The following USP54 variants were observed in gnomAD, a reference collection of about 807,000 sequenced individuals.
USP54 encodes ubiquitin carboxyl-terminal hydrolase 54.
In USP54, 87 loss-of-function variants were observed where a neutral mutation model predicts 170.5. That is an observed-to-expected ratio of 0.51 (90% CI 0.43 to 0.61). The LOEUF (loss-of-function observed/expected upper bound fraction) is 0.61, where lower values mean the gene tolerates loss of function less well. Ranked by LOEUF, USP54 falls within the 20% of genes least tolerant of loss-of-function variation. The pLI, the probability that USP54 is intolerant of heterozygous loss-of-function variation, is 0.00. For missense variants in USP54, 1,786 were observed against 2,047.8 expected (o/e 0.87, Z 2.47); for synonymous variants, 655 against 742.8 (o/e 0.88, Z 1.92).
At chr10:73,603,359 C>T (rs1194534187) in intron 1 of USP54, among the ~76,000 whole-genome samples, 1 of 152,018 alleles carries the variant, frequency 6.6e-6, no homozygotes, top group Non-Finnish European at 1.5e-5. Flanking sequence ...AAGGACAACC[C>T]ATGAGATGGG....
chr10:73,541,943 C>A, intron 7 of USP54: 1 of 579,734 alleles, frequency 1.7e-6, no homozygotes, highest in Non-Finnish European at 3.1e-6. Context: ...CCCACTCCTC[C>A]TCCCACTTTG....
At chr10:73,608,489 C>T (rs950680496) in intron 1 of USP54, among the ~76,000 whole-genome samples, 5 of 152,132 alleles carry the variant, frequency 3.3e-5, no homozygotes, top group Non-Finnish European at 7.4e-5. Flanking sequence ...TTTAGAGTCC[C>T]TATAACATTA....
chr10:73,579,776 C>A (rs1425850356), intron 1 of USP54, among the ~76,000 whole-genome samples: 2 of 150,904 alleles, frequency 1.3e-5, no homozygotes, highest in Non-Finnish European at 1.5e-5. Flanking sequence ...ACAACAACAA[C>A]AACAAAAAAA....
Position 73,517,630 on chromosome 10 carries a change from T to C in USP54, c.2796A>G (p.Ser932=). 6.2e-7 allele frequency: 1 copy of C among 1,614,184 alleles called. No homozygotes were observed. Among genetic ancestry groups the C allele is most frequent in the Non-Finnish European group, 8.5e-7 (1 of 1,180,038 alleles). Reference sequence around the variant, plus strand: ...ATGACTCTGGAGATAGTGATGAGTGTGACTCATGGCAGGAAGCAGGTGAAT... The same window carrying C: ...ATGACTCTGGAGATAGTGATGAGTGCGACTCATGGCAGGAAGCAGGTGAAT... The part of the protein sequence containing the change: ...FFHSPASCHE[S]HSSLSPESSA... Residue 932 remains serine (S), a synonymous_variant, in exon 20 of 24, where the codon TCA becomes TCG. Coordinates refer to ENST00000687698, the MANE Select transcript of USP54 (RefSeq NM_001391956.1).
At chr10:73,567,069 G>C (rs186398796) in intron 4 of USP54, among the ~76,000 whole-genome samples, 2 of 151,878 alleles carry the variant, frequency 1.3e-5, no homozygotes, top group African/African-American at 4.8e-5. Flanking sequence ...AGTAGAGATA[G>C]GGTTTCGCCA....
chr10:73,536,523 G>A, intron 10 of USP54, 86 bp from the exon 11 acceptor site: 1 of 1,351,528 alleles, frequency 7.4e-7, no homozygotes, highest in Non-Finnish European at 9.7e-7. Flanking sequence ...TATTTCTAAA[G>A]AAAATAAAAG....
At chr10:73,585,595 C>T (rs2077388342) in intron 1 of USP54, among the ~76,000 whole-genome samples, 1 of 152,236 alleles carries the variant, frequency 6.6e-6, no homozygotes, top group Non-Finnish European at 1.5e-5. Context: ...ATACCTTCCA[C>T]TAGGCCCCAA....
chr10:73,529,872 G>A lies in USP54; in HGVS notation c.1868C>T (p.Ser623Phe). ...FIPDEPSKPP[S>F]YDIKFGGPSP... ...TGGTCCACCAAATTTAATGTCGTAA[G>A]AAGGTGGCTTGCTTGGTTCATCTGG... Residue 623 changes from serine to phenylalanine, a missense_variant, in exon 15 of 24, where the codon TCT becomes TTT. Ser to Phe is a radical substitution (Grantham distance 155). This residue lies in a region of USP54 where 1,418 missense variants were observed against 1,569.0 expected (regional missense o/e 0.90). Transcript: ENST00000687698. The A allele has an allele frequency of 6.4e-7, 1 of 1,554,650 alleles. No homozygotes were observed. The highest frequency in any genetic ancestry group is 8.7e-7 in the Non-Finnish European group (1 of 1,152,462).
At chr10:73,558,070 C>T (rs1468885336) in intron 4 of USP54, among the ~76,000 whole-genome samples, 3 of 151,544 alleles carry the variant, frequency 2.0e-5, no homozygotes, top group African/African-American at 4.9e-5. Context: ...TTAGTAGAGA[C>T]GGGGTTTCAC....
chr10:73,508,686 G>A (rs75036984), intron 20 of USP54, among the ~76,000 whole-genome samples: 1 of 99,436 alleles, frequency 1.0e-5, no homozygotes, highest in African/African-American at 3.8e-5. Flanking sequence ...TTTTTTTTTT[G>A]AGACAGAGTC....
In USP54 at chr10:73,542,831, C is replaced by T. The variant is rs1455848888; in HGVS notation, c.544G>A (p.Val182Ile). 1 of 1,613,772 alleles carries T rather than the reference C, an allele frequency of 6.2e-7. No individual in the cohort carries two copies. ...AGGGAAGTGGTGGAGATATAATGTA[C>T]CATCTGGATGAAAGGCAGCGGATCA... ...TSDPLPFIQM[V>I]HYISTTSLCN... Residue 182 changes from valine (V) to isoleucine (I), a missense_variant, in exon 7 of 24, where the codon GTA (valine) becomes ATA (isoleucine). Val to Ile is a conservative substitution (Grantham distance 29). Transcript: ENST00000687698.
chr10:73,563,171 T>C (rs1162246659), intron 4 of USP54, among the ~76,000 whole-genome samples: 2 of 152,030 alleles, frequency 1.3e-5, no homozygotes, highest in African/African-American at 4.8e-5. Context: ...TCCATGGTGG[T>C]CTCAAACTCC....
chr10:73,511,033 G>C (rs946805958), intron 20 of USP54, among the ~76,000 whole-genome samples: 1 of 151,798 alleles, frequency 6.6e-6, no homozygotes, highest in Non-Finnish European at 1.5e-5. Context: ...CTGGGGTTGG[G>C]GGAAGAAAAG....
intron 7 of USP54, among the ~76,000 whole-genome samples, chr10:73,542,478 C>T (rs1834978763): frequency 2.0e-5 from 3 of 152,078 alleles, no homozygotes; most frequent in Admixed American, 2.0e-4. Flanking sequence ...AATCCCAGCA[C>T]TTTGGGAGGC....
At chr10:73,612,020 A>G (rs2080188081) in intron 1 of USP54, among the ~76,000 whole-genome samples, 1 of 151,602 alleles carries the variant, frequency 6.6e-6, no homozygotes, top group African/African-American at 2.4e-5. Context: ...CTGAGGCAGG[A>G]GGATCACCTG....
chr10:73,624,722 C>CA (rs1408133855), intron 1 of USP54, among the ~76,000 whole-genome samples: 4 of 152,160 alleles, frequency 2.6e-5, no homozygotes, highest in African/African-American at 4.8e-5. Flanking sequence ...CAAAGTGGTC[C>CA]ACACCTGTTT....
rs965299199 is a variant in USP54 at position 73,530,822 on chromosome 10, A to G, written c.1329T>C (p.Asp443=). 5.6e-6 allele frequency: 9 copies of G among 1,613,840 alleles called. No individual in the cohort carries two copies. The highest frequency in any genetic ancestry group is 1.7e-5 in the Admixed American group (1 of 59,988). The change falls in exon 13 of 24, where the codon GAT becomes GAC. Residue 443 remains aspartate (D), a synonymous_variant. Transcript: ENST00000687698. ...QSSRDTGHLT[D]SECNQKHTSK... is the part of the protein sequence containing the mutation. ...ATGTGTGTTTCTGATTACATTCACT[A>G]TCAGTCAGGTGTCCTGAAAAAACAA...
chr10:73,520,692 T>C (rs2061755862), intron 18 of USP54, among the ~76,000 whole-genome samples: 1 of 152,206 alleles, frequency 6.6e-6, no homozygotes, highest in African/African-American at 2.4e-5. Context: ...ATGGATTCCT[T>C]GCTGAGGTTA....
rs1362835347 is a variant in USP54, at chr10:73,529,888, G to A, written c.1852C>T (p.Pro618Ser). 1 of 1,537,128 alleles carries A rather than the reference G, an allele frequency of 6.5e-7. No individual in the cohort carries two copies. Among genetic ancestry groups the A allele is most frequent in the Non-Finnish European group, 8.7e-7 (1 of 1,144,568 alleles). ...ATGTCGTAAGAAGGTGGCTTGCTTG[G>A]TTCATCTGGTATAAATTCTTTAGCT... ...DSAKEFIPDE[P>S]SKPPSYDIKF... Residue 618 changes from proline (P) to serine (S), a missense_variant, in exon 15 of 24, where the codon CCA becomes TCA. Pro to Ser is a moderately conservative substitution (Grantham distance 74, BLOSUM62 -1). Around this residue, in one of 3 missense-constraint regions of USP54, gnomAD observed 1,418 missense variants for 1,569.0 expected, o/e 0.90. Coordinates refer to ENST00000687698, the MANE Select transcript of USP54 (RefSeq NM_001391956.1).
Sources: gnomAD v4.1 joint callset for allele counts (sites outside exome capture counted in the v4.1 genomes callset) on GRCh38, gnomAD v4.1.1 for gene constraint, gnomAD v4.1.1 regional missense constraint, MANE v1.5 for transcripts, NCBI Gene and HGNC (gene_info 2026-07-23, HGNC 2026-07-21) for gene names.